Variants in MYO9A observed in about 807,000 individuals in gnomAD.
MYO9A encodes the protein myosin IXA.
Under a neutral mutation model 293.3 loss-of-function variants are expected in MYO9A, and 103 were observed. The ratio of observed to expected loss-of-function variants is 0.35; its 90% CI spans 0.30 to 0.41. The LOEUF (loss-of-function observed/expected upper bound fraction) is 0.41, where lower values mean the gene tolerates loss of function less well. Among genes scored for constraint, MYO9A ranks in the 10% least tolerant of loss-of-function variants. The probability of loss-of-function intolerance (pLI) is 1.00; values close to 1 mark genes in which losing one functional copy is unlikely to be tolerated. For synonymous variants in MYO9A, 1,001 were observed against 1,035.7 expected (o/e 0.97, Z 0.64); for missense variants, 2,685 against 3,033.0 (o/e 0.89, Z 2.69).
intron 28 of MYO9A, among the ~76,000 whole-genome samples, chr15:71,881,039 A>C (rs941337896): frequency 6.6e-6 from 1 of 152,130 alleles, no homozygotes; most frequent in African/African-American, 2.4e-5. Context: ...ACTACAGTCT[A>C]AAGTCCTGAA....
intron 1 of MYO9A, among the ~76,000 whole-genome samples, chr15:72,087,340 T>C (rs977071785): frequency 1.3e-5 from 2 of 152,192 alleles, no homozygotes; most frequent in Admixed American, 6.5e-5. Flanking sequence ...TGCTCCACTA[T>C]AGACACTCCT....
rs143742248 is a variant in MYO9A at position 71,908,346 on chromosome 15, G to A, written c.2686-3340C>T. Among the ~76,000 whole-genome samples the A allele has an allele frequency of 2.0e-4, 31 of 152,116 alleles. No individual in the cohort carries two copies. In the East Asian group the frequency reaches 6.0e-3, roughly 29 times the overall value. On this transcript the variant is annotated intron_variant, in intron 19 of 41. Coordinates refer to ENST00000356056, the MANE Select transcript of MYO9A (RefSeq NM_006901.4). The stretch of plus-strand genomic sequence containing the variant: ...CGGCTAATTTTTTTTTGTATTTTTA[G>A]TAGAGACGAGGTTTCACCGTGTTAG...
intron 39 of MYO9A, among the ~76,000 whole-genome samples, chr15:71,835,719 A>G (rs1024378618): frequency 2.6e-5 from 4 of 152,160 alleles, no homozygotes; most frequent in African/African-American, 7.2e-5. Flanking sequence ...TATAGATCCA[A>G]TGCAATCCCA....
chr15:72,074,742 G>C (rs1277163858), intron 1 of MYO9A, among the ~76,000 whole-genome samples: 5 of 152,116 alleles, frequency 3.3e-5, no homozygotes, highest in African/African-American at 1.2e-4. Context: ...CCGGAACTTA[G>C]CTAAACTTAA....
At chr15:71,943,317 T>C (rs1452808738) in intron 15 of MYO9A, among the ~76,000 whole-genome samples, 1 of 152,002 alleles carries the variant, frequency 6.6e-6, no homozygotes, top group East Asian at 1.9e-4. Context: ...AAGATTATGT[T>C]AATTCAAGAG....
At chr15:71,969,043 C>A (rs2075946628) in intron 12 of MYO9A, among the ~76,000 whole-genome samples, 1 of 152,124 alleles carries the variant, frequency 6.6e-6, no homozygotes, top group Admixed American at 6.6e-5. Flanking sequence ...TCATAGTTTA[C>A]ATTACGCATT....
chr15:71,964,567 GT>G (rs1246691671), intron 13 of MYO9A, among the ~76,000 whole-genome samples: 2 of 150,324 alleles, frequency 1.3e-5, no homozygotes, highest in East Asian at 3.9e-4. Context: ...GGATCACGAG[GT>G]GAAGAAATTG....
In MYO9A at chr15:72,101,727, T is replaced by C. The variant is rs1277634973; in HGVS notation, c.-72+15953A>G. ...CCCCCGCCCGGCCAGCCGCCCCGTCTGGGAGGTGAGGGGCGCCTCTGCCCG... is the reference window on the plus strand; with the variant it reads ...CCCCCGCCCGGCCAGCCGCCCCGTCCGGGAGGTGAGGGGCGCCTCTGCCCG... On this transcript the variant is annotated intron_variant, in intron 1 of 41. Coordinates refer to ENST00000356056, the MANE Select transcript of MYO9A (RefSeq NM_006901.4). Among the ~76,000 whole-genome samples, 402 of 75,374 alleles carry C rather than the reference T, an allele frequency of 5.3e-3. 1 individual carries two copies. The highest frequency in any genetic ancestry group is 0.038 in the Admixed American group (261 of 6,838). 49.4% of individuals were successfully genotyped at this position (75,374 alleles called of 152,430 possible). A position where few individuals can be genotyped will look rare whatever the true frequency, so the allele number is the denominator to read the frequency against.
At chr15:71,928,226 C>T (rs2058380525) in intron 18 of MYO9A, among the ~76,000 whole-genome samples, 3 of 146,268 alleles carry the variant, frequency 2.1e-5, no homozygotes, top group South Asian at 4.4e-4. Context: ...TACAGGCGCC[C>T]GCCACTACGC....
intron 34 of MYO9A, among the ~76,000 whole-genome samples, chr15:71,856,964 G>A (rs935387886): frequency 3.9e-5 from 6 of 152,190 alleles, no homozygotes; most frequent in African/African-American, 9.6e-5. Flanking sequence ...CCTGGTATAC[G>A]TCAAATACTG....
At chr15:72,011,014 ATTTTTT>A (rs35009391) in intron 6 of MYO9A, among the ~76,000 whole-genome samples, 1 of 146,008 alleles carries the variant, frequency 6.8e-6, no homozygotes, top group African/African-American at 2.5e-5. Context: ...TAGATATGTT[ATTTTTT>A]TTTTTTAAGA....
At chr15:72,012,573 C>G (rs1318490844) in intron 6 of MYO9A, among the ~76,000 whole-genome samples, 1 of 152,154 alleles carries the variant, frequency 6.6e-6, no homozygotes, top group African/African-American at 2.4e-5. Flanking sequence ...GCTGGGATTA[C>G]AGGAGTAAGC....
chr15:71,886,939 G>C (rs2057039648), intron 27 of MYO9A, among the ~76,000 whole-genome samples: 1 of 151,964 alleles, frequency 6.6e-6, no homozygotes, highest in South Asian at 2.1e-4. Flanking sequence ...GCGAAAAAGT[G>C]GTCTTTAATA....
chr15:71,893,936 TA>T (rs1357191806), intron 25 of MYO9A, among the ~76,000 whole-genome samples, 158 bp from the exon 26 acceptor site: 1 of 152,212 alleles, frequency 6.6e-6, no homozygotes, highest in Non-Finnish European at 1.5e-5. Flanking sequence ...TTAGTAATAA[TA>T]ATCCTGAACC....
At chr15:71,863,551 C>T (rs2056223033) in intron 32 of MYO9A, among the ~76,000 whole-genome samples, 1 of 152,040 alleles carries the variant, frequency 6.6e-6, no homozygotes, top group South Asian at 2.1e-4. Context: ...ATTCTCACAT[C>T]TACTACTGCA....
At chr15:72,064,615 C>T (rs1250440009) in intron 1 of MYO9A, among the ~76,000 whole-genome samples, 1 of 152,188 alleles carries the variant, frequency 6.6e-6, no homozygotes, top group African/African-American at 2.4e-5. Context: ...CATTTATGAT[C>T]TGTGCATTTT....
chr15:71,851,995 T>C (rs2055667901), intron 36 of MYO9A, 137 bp downstream of exon 36: 4 of 1,032,926 alleles, frequency 3.9e-6, no homozygotes, highest in Non-Finnish European at 4.0e-6. Context: ...ACTAGCCGTT[T>C]TGTATTCACT....
intron 8 of MYO9A, among the ~76,000 whole-genome samples, chr15:72,003,652 C>A (rs181078611): frequency 2.4e-3 from 355 of 146,594 alleles, no homozygotes; most frequent in Admixed American, 3.7e-3. Context: ...TGCAGTGAGC[C>A]GAGATTGCGC....
chr15:71,968,957 A>G (rs1481023722), intron 12 of MYO9A, among the ~76,000 whole-genome samples: 1 of 152,252 alleles, frequency 6.6e-6, no homozygotes, highest in Admixed American at 6.5e-5. Context: ...AAATCATTCC[A>G]AAATTACAAC....
Sources: allele counts gnomAD v4.1 joint callset (sites outside exome capture counted in the v4.1 genomes callset), GRCh38; gene constraint gnomAD v4.1.1; transcripts MANE v1.5; gene names NCBI Gene and HGNC (gene_info 2026-07-23, HGNC 2026-07-21).